The following KLHL26 variants were observed in gnomAD, a reference collection of about 807,000 sequenced individuals.
KLHL26 encodes the protein kelch-like protein 26.
KLHL26 carries 4 observed loss-of-function variants against 7.1 expected under a neutral mutation model. The ratio of observed to expected loss-of-function variants is 0.56; its 90% CI spans 0.28 to 1.28. The LOEUF (loss-of-function observed/expected upper bound fraction) is 1.28, where lower values mean the gene tolerates loss of function less well. KLHL26 is among the 50% of genes most tolerant of loss of function. The probability of loss-of-function intolerance (pLI) is 0.11; values close to 1 mark genes in which losing one functional copy is unlikely to be tolerated. For missense variants in KLHL26, 896 were observed against 924.6 expected (o/e 0.97, Z 0.40); for synonymous variants, 465 against 414.1 (o/e 1.12, Z -1.49).
chr19:18,662,141 C>T (rs1174086899), intron 1 of KLHL26, among the ~76,000 whole-genome samples: 1 of 152,170 alleles, frequency 6.6e-6, no homozygotes, highest in Non-Finnish European at 1.5e-5. Flanking sequence ...TGTCCCAGTG[C>T]AACGTGTTTC....
Position 18,668,120 on chromosome 19 carries a change from G to T in KLHL26, c.723G>T (p.Arg241=), listed in dbSNP as rs575828492. The change falls in exon 3 of 3, where the codon CGG becomes CGT. Residue 241 remains arginine (R), a synonymous_variant. Coordinates refer to ENST00000300976, the MANE Select transcript of KLHL26 (RefSeq NM_018316.3). ...VRWLQHDPAR[R]PRASHVLCHI... Reference sequence around the variant, plus strand: ...GGCTGCAGCATGACCCGGCCCGGCGGCCGCGCGCCAGCCACGTGCTCTGCC... The same window carrying T: ...GGCTGCAGCATGACCCGGCCCGGCGTCCGCGCGCCAGCCACGTGCTCTGCC... 5.0e-6 allele frequency: 8 copies of T among 1,599,220 alleles called. No individual in the cohort carries two copies. Among genetic ancestry groups the T allele is most frequent in the Non-Finnish European group, 6.8e-6 (8 of 1,178,062 alleles).
At position 18,667,826 on chromosome 19, in the gene KLHL26, G is replaced by A. The variant is rs748044995; in HGVS notation, c.429G>A (p.Leu143=). 6.2e-7 allele frequency: 1 copy of A among 1,613,348 alleles called. No homozygotes were observed. Among genetic ancestry groups the A allele is most frequent in the Non-Finnish European group, 8.5e-7 (1 of 1,179,996 alleles). Residue 143 remains leucine (L), a synonymous_variant, in exon 3 of 3, where the codon TTG becomes TTA. Coordinates refer to ENST00000300976, the MANE Select transcript of KLHL26 (RefSeq NM_018316.3). Reference sequence around the variant, plus strand: ...ACGTGCTGGGCGCGGCCGTGTTCTTGCAGATGCTGCCCGTGGTGGAGCTGT... The same window carrying A: ...ACGTGCTGGGCGCGGCCGTGTTCTTACAGATGCTGCCCGTGGTGGAGCTGT... ...VQDVLGAAVF[L]QMLPVVELCE...
At position 18,667,679 on chromosome 19, in the gene KLHL26, C is replaced by G; in HGVS notation, c.282C>G (p.Gly94=). The G allele has an allele frequency of 1.2e-6, 2 of 1,611,062 alleles. No individual in the cohort carries two copies. The highest frequency in any genetic ancestry group is 1.7e-6 in the Non-Finnish European group (2 of 1,178,744). ...TGCCCTTCAGGGCCATGTTCACCGG[C>G]GGCATGCGGGAGGCAAGCCAGGACG... ...CSDYFRAMFT[G]GMREASQDVI... Residue 94 remains glycine (G), a synonymous_variant, in exon 3 of 3, where the codon GGC becomes GGG. Transcript: ENST00000300976.
At chr19:18,640,631 TG>T (rs1421050238) in intron 1 of KLHL26, among the ~76,000 whole-genome samples, 1 of 147,492 alleles carries the variant, frequency 6.8e-6, no homozygotes, top group Non-Finnish European at 1.5e-5. Context: ...CTCTGTCTCC[TG>T]GGTTCAAGTG....
At position 18,646,159 on chromosome 19, in the gene KLHL26, G is replaced by T. The variant is rs1212218373; in HGVS notation, c.83+9022G>T. Reference sequence around the variant, plus strand: ...TATTAATTTTTTTTGACGTCACTCTGAGCTCAGGCTGGAGTGCAGTGGCAT... The same window carrying T: ...TATTAATTTTTTTTGACGTCACTCTTAGCTCAGGCTGGAGTGCAGTGGCAT... On this transcript the variant is annotated intron_variant, in intron 1 of 2. Coordinates refer to ENST00000300976, the MANE Select transcript of KLHL26 (RefSeq NM_018316.3). This position sits in a 1 kb window ranked among gnomAD's most constrained non-coding sequence, Gnocchi z 5.0. Among the ~76,000 whole-genome samples, 3 of 151,826 alleles carry T rather than the reference G, an allele frequency of 2.0e-5. No individual in the cohort carries two copies. The highest frequency in any genetic ancestry group is 4.4e-5 in the Non-Finnish European group (3 of 67,964).
In KLHL26 at chr19:18,669,228, G is replaced by T. The variant is rs568691772; in HGVS notation, c.1831G>T (p.Ala611Ser). 6.2e-6 allele frequency: 10 copies of T among 1,610,080 alleles called. No homozygotes were observed. The African/African-American group carries it at 1.3e-4, about 21-fold the overall frequency. ...IACAPVLLPR[A>S]GTRR ...CTGCGCCCCCGTCCTGCTGCCCCGG[G>T]CCGGGACCAGGAGGTAGCCCCCAAG... The change falls in exon 3 of 3, where the codon GCC becomes TCC. Residue 611 changes from alanine to serine, a missense_variant. Transcript: ENST00000300976.
At chr19:18,644,171 T>C (rs1222824643) in intron 1 of KLHL26, among the ~76,000 whole-genome samples, 1 of 152,222 alleles carries the variant, frequency 6.6e-6, no homozygotes, top group East Asian at 1.9e-4. Context: ...TGTGGCCTTT[T>C]GAGTCTGGCT....
chr19:18,654,958 A>G (rs1346234796), intron 1 of KLHL26, among the ~76,000 whole-genome samples: 2 of 152,264 alleles, frequency 1.3e-5, no homozygotes, highest in African/African-American at 4.8e-5. Context: ...AGAACATTAC[A>G]GGAGACAGAA....
intron 1 of KLHL26, among the ~76,000 whole-genome samples, chr19:18,641,206 A>G (rs1431589486): frequency 6.7e-6 from 1 of 150,300 alleles, no homozygotes; most frequent in Non-Finnish European, 1.5e-5. Context: ...TTTAATTTGC[A>G]TTTCTCTAAT....
Position 18,637,151 on chromosome 19 carries a change from C to G in KLHL26, c.83+14C>G, listed in dbSNP as rs996673183. ...GCGCCCGAACAGGTGAGACCCGGCCCGCAGGATAGACCTGCACCTGTCTTG... is the reference window on the plus strand; with the variant it reads ...GCGCCCGAACAGGTGAGACCCGGCCGGCAGGATAGACCTGCACCTGTCTTG... On this transcript the variant is annotated intron_variant, in intron 1 of 2. Coordinates refer to ENST00000300976, the MANE Select transcript of KLHL26 (RefSeq NM_018316.3). 2 of 1,326,686 alleles carry G rather than the reference C, an allele frequency of 1.5e-6. No individual in the cohort carries two copies. Among genetic ancestry groups the G allele is most frequent in the Non-Finnish European group, 9.6e-7 (1 of 1,039,748 alleles). The allele number at this position is 1,326,686 out of a possible 1,614,324, so 82.2% of individuals were successfully genotyped here.
chr19:18,652,732 C>A (rs2052273697), intron 1 of KLHL26, among the ~76,000 whole-genome samples: 2 of 152,294 alleles, frequency 1.3e-5, no homozygotes, highest in South Asian at 2.1e-4. Flanking sequence ...AGCACCCCTC[C>A]CATCCTGGCT....
At chr19:18,657,818 G>A (rs1426338898) in intron 1 of KLHL26, among the ~76,000 whole-genome samples, 3 of 152,220 alleles carry the variant, frequency 2.0e-5, no homozygotes, top group Admixed American at 6.5e-5. Context: ...CAGTCTGGGG[G>A]AGAAGCAGGG....
At chr19:18,640,168 A>G (rs1454614039) in intron 1 of KLHL26, among the ~76,000 whole-genome samples, 2 of 151,986 alleles carry the variant, frequency 1.3e-5, no homozygotes, top group East Asian at 3.9e-4. Flanking sequence ...CTCTGTGTGG[A>G]CGTATATTTT....
In KLHL26 at chr19:18,646,972, G is replaced by A. The variant is rs1232035241; in HGVS notation, c.83+9835G>A. Among the ~76,000 whole-genome samples the A allele has an allele frequency of 1.3e-5, 2 of 152,002 alleles. No individual in the cohort carries two copies. Among genetic ancestry groups the A allele is most frequent in the African/African-American group, 2.4e-5 (1 of 41,404 alleles). ...TCGGCAGGGCGGGGGCAGGGGCGGC[G>A]GGGGGTGGCGCGTCTCAGCAGGGAT... On this transcript the variant is annotated intron_variant, in intron 1 of 2. Coordinates refer to ENST00000300976, the MANE Select transcript of KLHL26 (RefSeq NM_018316.3). The surrounding 1 kb of genome is among the most constrained non-coding windows in gnomAD (Gnocchi z 5.0).
At position 18,668,641 on chromosome 19, in the gene KLHL26, T is replaced by G. The variant is rs1190066469; in HGVS notation, c.1244T>G (p.Val415Gly). 8.9e-6 allele frequency: 14 copies of G among 1,574,908 alleles called. No individual in the cohort carries two copies. The highest frequency in any genetic ancestry group is 1.2e-5 in the Non-Finnish European group (14 of 1,166,258). The change falls in exon 3 of 3, where the codon GTG (valine) becomes GGG (glycine). Residue 415 changes from valine to glycine, a missense_variant. Physicochemically the swap from Val to Gly is moderately radical, Grantham distance 109. Coordinates refer to ENST00000300976, the MANE Select transcript of KLHL26 (RefSeq NM_018316.3). ...QFQLNVLCGM[V>G]YATGGRNRAG... Reference sequence around the variant, plus strand: ...CAGCTGAACGTGCTGTGCGGCATGGTGTACGCCACGGGCGGCCGCAACCGA... The same window carrying G: ...CAGCTGAACGTGCTGTGCGGCATGGGGTACGCCACGGGCGGCCGCAACCGA...
chr19:18,669,447 G>A lies in KLHL26; in HGVS notation c.*202G>A, dbSNP rs906700309. ...ATCCTGGCTGCGAGTCCATCCGAGG[G>A]AGCCTGCCGGCAAAGCGTCTGACAT... On this transcript the variant is annotated 3_prime_UTR_variant, in exon 3 of 3. Coordinates refer to ENST00000300976, the MANE Select transcript of KLHL26 (RefSeq NM_018316.3). The A allele has an allele frequency of 3.4e-6, 2 of 587,956 alleles. No homozygotes were observed. Among genetic ancestry groups the A allele is most frequent in the Non-Finnish European group, 3.0e-6 (1 of 332,386 alleles). The allele number at this position is 587,956 out of a possible 1,614,324, so 36.4% of individuals were successfully genotyped here. A position where few individuals can be genotyped will look rare whatever the true frequency, so the allele number is the denominator to read the frequency against.
In KLHL26 at chr19:18,646,490, TGTG is replaced by T. The variant is rs561777491; in HGVS notation, c.83+9356_83+9358del. Among the ~76,000 whole-genome samples the T allele has an allele frequency of 6.6e-6, 1 of 152,208 alleles. No individual in the cohort carries two copies. Among genetic ancestry groups the T allele is most frequent in the East Asian group, 1.9e-4 (1 of 5,170 alleles). On this transcript the variant is annotated intron_variant, in intron 1 of 2. Coordinates refer to ENST00000300976, the MANE Select transcript of KLHL26 (RefSeq NM_018316.3). The surrounding 1 kb of genome is among the most constrained non-coding windows in gnomAD (Gnocchi z 5.0). The stretch of plus-strand genomic sequence containing the variant: ...GGACTCAAGTCCTTCTCCTGGAAAA[TGTG>T]GTCAGATATGGCGGCATGAGGTGTC...
Position 18,646,020 on chromosome 19 carries a change from C to T in KLHL26, c.83+8883C>T, listed in dbSNP as rs1034884570. ...GCCCAGAGGCCTTGGAAGGGTCCAG[C>T]CCCCCAGCTCCTGCTAGGAAGACTT... On this transcript the variant is annotated intron_variant, in intron 1 of 2. Transcript: ENST00000300976. This position sits in a 1 kb window ranked among gnomAD's most constrained non-coding sequence, Gnocchi z 5.0. Among the ~76,000 whole-genome samples, 4 of 152,126 alleles carry T rather than the reference C, an allele frequency of 2.6e-5. No homozygotes were observed. The highest frequency in any genetic ancestry group is 5.9e-5 in the Non-Finnish European group (4 of 68,020).
intron 2 of KLHL26, among the ~76,000 whole-genome samples, chr19:18,664,874 G>A (rs973453112): frequency 1.3e-5 from 2 of 151,940 alleles, no homozygotes; most frequent in African/African-American, 4.8e-5. Context: ...GTGAGCCACC[G>A]CTCCGGGCCC....
Sources: gnomAD v4.1 joint callset for allele counts (sites outside exome capture counted in the v4.1 genomes callset) on GRCh38, gnomAD v4.1.1 for gene constraint, Gnocchi (gnomAD v3.1) non-coding constraint, MANE v1.5 for transcripts, NCBI Gene and HGNC (gene_info 2026-07-23, HGNC 2026-07-21) for gene names.